PDE11A: variants seen among roughly 807,000 people sequenced by gnomAD.
PDE11A encodes dual 3',5'-cyclic-AMP and -GMP phosphodiesterase 11A.
A neutral mutation model predicts 100.5 loss-of-function variants in PDE11A; 100 were observed. That is an observed-to-expected ratio of 1.00 (90% CI 0.85 to 1.18). The LOEUF is 1.18. PDE11A is among the 50% of genes most tolerant of loss of function. The pLI, the probability that PDE11A is intolerant of heterozygous loss-of-function variation, is 0.00. For synonymous variants in PDE11A, 381 were observed against 420.8 expected, an observed-to-expected ratio of 0.91 and a Z score of 1.16; for missense variants, 1,141 against 1,152.6, an observed-to-expected ratio of 0.99 and a Z score of 0.15.
intron 2 of PDE11A, among the ~76,000 whole-genome samples, chr2:177,934,659 C>A (rs2085250157): frequency 2.0e-5 from 3 of 152,192 alleles, no homozygotes. Flanking sequence ...GAAAATAAAT[C>A]ATTCTACCAA....
chr2:177,697,489 A>C (rs928664600), intron 14 of PDE11A, 57 bp from the exon 15 acceptor site: 32 of 854,864 alleles, frequency 3.7e-5, no homozygotes, highest in Non-Finnish European at 5.9e-5. Context: ...TGTTGATTAC[A>C]TGTTTTTCCT....
At chr2:177,658,538 C>T (rs1321804291) in intron 19 of PDE11A, among the ~76,000 whole-genome samples, 1 of 151,662 alleles carries the variant, frequency 6.6e-6, no homozygotes, top group African/African-American at 2.4e-5. Context: ...CTACATTCCT[C>T]CCTTCCTCCC....
intron 10 of PDE11A, among the ~76,000 whole-genome samples, chr2:177,746,587 A>G (rs1040653459): frequency 6.6e-6 from 1 of 152,256 alleles, no homozygotes; most frequent in Non-Finnish European, 1.5e-5. Flanking sequence ...CTTAAAAAGG[A>G]AAAAGAATCA....
intron 7 of PDE11A, 80 bp from the exon 8 acceptor site, chr2:177,818,005 C>T: frequency 1.3e-6 from 1 of 769,790 alleles, no homozygotes. Context: ...ACAGCTAACT[C>T]TATGCCTTTT....
chr2:177,645,740 T>G (rs184797012), intron 19 of PDE11A, among the ~76,000 whole-genome samples: 6 of 152,318 alleles, frequency 3.9e-5, no homozygotes, highest in African/African-American at 1.2e-4. Flanking sequence ...AACACAAGAA[T>G]AATTCAGATT....
At chr2:177,690,195 C>T (rs376377979) in intron 15 of PDE11A, among the ~76,000 whole-genome samples, 14,175 of 152,160 alleles carry the variant, frequency 0.093, 2,195 homozygotes, top group African/African-American at 0.32. Context: ...AATATTTCCT[C>T]CATCAACCTA....
chr2:177,733,279 A>C (rs905096542), intron 10 of PDE11A, among the ~76,000 whole-genome samples: 2 of 152,240 alleles, frequency 1.3e-5, no homozygotes, highest in Non-Finnish European at 2.9e-5. Flanking sequence ...ATTTGGATAA[A>C]AGAACCATTT....
At chr2:177,866,021 GA>G (rs563652691) in intron 5 of PDE11A, among the ~76,000 whole-genome samples, 273 of 150,924 alleles carry the variant, frequency 1.8e-3, no homozygotes, top group Admixed American at 5.8e-3. Flanking sequence ...TACATCTCAA[GA>G]AAAAAAAACT....
chr2:177,998,826 T>A, intron 2 of PDE11A: 1 of 655,042 alleles, frequency 1.5e-6, no homozygotes, highest in East Asian at 2.5e-5. Flanking sequence ...CCGGCACCAC[T>A]GCCACCTCAG....
At chr2:177,889,533 A>G (rs2084496303) in intron 4 of PDE11A, among the ~76,000 whole-genome samples, 1 of 151,988 alleles carries the variant, frequency 6.6e-6, no homozygotes, top group Non-Finnish European at 1.5e-5. Context: ...AGTTGCCCAG[A>G]ATACTTAGTT....
chr2:177,651,977 A>T (rs746319477), intron 19 of PDE11A, among the ~76,000 whole-genome samples: 2 of 152,214 alleles, frequency 1.3e-5, no homozygotes, highest in Non-Finnish European at 2.9e-5. Flanking sequence ...AGGTTATTTC[A>T]GGGCATCCTG....
intron 10 of PDE11A, among the ~76,000 whole-genome samples, chr2:177,753,610 G>T (rs931742711): frequency 6.6e-6 from 1 of 151,748 alleles, no homozygotes; most frequent in African/African-American, 2.4e-5. Context: ...ATCAGTTAGT[G>T]ATAGAGTAAC....
In PDE11A at chr2:177,663,932, G is replaced by T. The variant is rs780232099; in HGVS notation, c.2580C>A (p.Asn860Lys). The T allele has an allele frequency of 1.8e-5, 29 of 1,610,862 alleles. No homozygotes were observed. The highest frequency in any genetic ancestry group is 2.3e-5 in the Non-Finnish European group (27 of 1,177,200). ...GCAACCGAGGCAGTTCATCCTTCCG[G>T]TTCCGATCAAAAATTGCCTAGAATG... ...KLTPSAIFDR[N>K]RKDELPRLQL... is the part of the protein sequence containing the mutation. Residue 860 changes from asparagine (N) to lysine (K), a missense_variant, in exon 19 of 20, where the codon AAC becomes AAA. Asn to Lys is a moderately conservative substitution (Grantham distance 94). Transcript: ENST00000286063.
intron 2 of PDE11A, among the ~76,000 whole-genome samples, chr2:178,086,188 G>A (rs2087352811): frequency 6.6e-6 from 1 of 152,132 alleles, no homozygotes; most frequent in Non-Finnish European, 1.5e-5. Flanking sequence ...TTTCCAGCAG[G>A]ACTGCCGACC....
rs182253595 is a variant in PDE11A, at chr2:177,893,884, C to T, written c.1302+4174G>A. 7.0e-4 allele frequency among the ~76,000 whole-genome samples: 107 copies of T among 152,098 alleles called. 1 individual carries two copies. The highest frequency in any genetic ancestry group is 2.4e-3 in the African/African-American group (101 of 41,480). On this transcript the variant is annotated intron_variant, in intron 4 of 19. Coordinates refer to ENST00000286063, the MANE Select transcript of PDE11A (RefSeq NM_016953.4). ...ATTCCCTTATTATTATAAAAATATA[C>T]CTATTATTGAAATATTTCCAGTAAA...
chr2:178,025,167 T>A (rs1258280797), intron 1 of PDE11A, among the ~76,000 whole-genome samples: 4 of 152,336 alleles, frequency 2.6e-5, no homozygotes, highest in East Asian at 1.9e-4. Flanking sequence ...TAAAGAGTTC[T>A]AAATAGTACA....
At chr2:178,094,506 T>C (rs1422362616) in intron 2 of PDE11A, among the ~76,000 whole-genome samples, 1 of 152,136 alleles carries the variant, frequency 6.6e-6, no homozygotes. Context: ...CACTCCAGCC[T>C]GGGCAACAGA....
At chr2:177,798,355 G>A (rs180724184) in intron 9 of PDE11A, among the ~76,000 whole-genome samples, 1 of 152,272 alleles carries the variant, frequency 6.6e-6, no homozygotes, top group Admixed American at 6.5e-5. Context: ...AATCACATGA[G>A]ATTGTACTAC....
intron 5 of PDE11A, among the ~76,000 whole-genome samples, chr2:177,855,401 G>C (rs1042788836): frequency 2.0e-5 from 3 of 152,026 alleles, no homozygotes; most frequent in Admixed American, 6.6e-5. Context: ...CAGAACTCTA[G>C]AAATTAACCA....
Sources: gnomAD v4.1 joint callset for allele counts (sites outside exome capture counted in the v4.1 genomes callset) on GRCh38, gnomAD v4.1.1 for gene constraint, MANE v1.5 for transcripts, NCBI Gene and HGNC (gene_info 2026-07-23, HGNC 2026-07-21) for gene names.